Variants in ZNF148 observed in about 807,000 individuals in gnomAD.
ZNF148 encodes zinc finger protein 148.
Under a neutral mutation model 67.7 loss-of-function variants are expected in ZNF148, and 7 were observed. The observed-to-expected ratio is 0.10, with a 90% CI of 0.06 to 0.19. ZNF148 has a LOEUF of 0.19. Ranked by LOEUF, ZNF148 falls within the 10% of genes least tolerant of loss-of-function variation. ZNF148 has a pLI of 1.00. For synonymous variants in ZNF148, 333 were observed against 330.7 expected (o/e 1.01, Z -0.08); for missense variants, 583 against 947.1 (o/e 0.62, Z 5.05).
intron 4 of ZNF148, among the ~76,000 whole-genome samples, chr3:125,302,196 C>T (rs928941932): frequency 6.6e-6 from 1 of 151,886 alleles, no homozygotes; most frequent in African/African-American, 2.4e-5. Flanking sequence ...GGACAACATA[C>T]TGAGATCCCA....
At chr3:125,270,839 G>A (rs372814996) in intron 7 of ZNF148, among the ~76,000 whole-genome samples, 1 of 152,114 alleles carries the variant, frequency 6.6e-6, no homozygotes, top group Admixed American at 6.6e-5. Context: ...TCATGCCACT[G>A]CACTCCAGCC....
At chr3:125,250,127 T>A (rs1218213986) in intron 7 of ZNF148, among the ~76,000 whole-genome samples, 1 of 152,182 alleles carries the variant, frequency 6.6e-6, no homozygotes, top group Non-Finnish European at 1.5e-5. Context: ...TTTGTAAACA[T>A]GGAATTGTTG....
chr3:125,244,607 CCTGCCT>C, intron 7 of ZNF148, among the ~76,000 whole-genome samples: 1 of 152,156 alleles, frequency 6.6e-6, no homozygotes, highest in South Asian at 2.1e-4. Context: ...AAGTGATTCT[CCTGCCT>C]CAGCCTCCTG....
intron 7 of ZNF148, among the ~76,000 whole-genome samples, chr3:125,255,606 T>C (rs1443457635): frequency 6.6e-6 from 1 of 152,046 alleles, no homozygotes; most frequent in Non-Finnish European, 1.5e-5. Context: ...CCTAAGGAAC[T>C]ATGGTTTCTT....
chr3:125,299,675 G>C (rs1939485127), intron 4 of ZNF148, among the ~76,000 whole-genome samples: 1 of 152,026 alleles, frequency 6.6e-6, no homozygotes. Context: ...CAATCTACTG[G>C]AAGAGATAAT....
chr3:125,286,689 G>A (rs1379663616), intron 5 of ZNF148, among the ~76,000 whole-genome samples: 3 of 151,906 alleles, frequency 2.0e-5, no homozygotes, highest in African/African-American at 7.3e-5. Flanking sequence ...GCTAATAAAT[G>A]ATTACAAAAA....
chr3:125,319,295 G>A (rs990625048), intron 3 of ZNF148, among the ~76,000 whole-genome samples: 8 of 152,054 alleles, frequency 5.3e-5, no homozygotes, highest in Non-Finnish European at 7.4e-5. Flanking sequence ...AACAGTTTTC[G>A]GTCGGGGCTT....
chr3:125,319,647 A>G (rs759580732), intron 3 of ZNF148, among the ~76,000 whole-genome samples: 1 of 152,230 alleles, frequency 6.6e-6, no homozygotes, highest in Non-Finnish European at 1.5e-5. Context: ...AAGACAACTA[A>G]TGTGTGCTGA....
intron 7 of ZNF148, among the ~76,000 whole-genome samples, chr3:125,260,181 GA>G (rs1937273007): frequency 6.6e-6 from 1 of 152,218 alleles, no homozygotes; most frequent in African/African-American, 2.4e-5. Context: ...AGGTAATACT[GA>G]AAAGGTCTGA....
chr3:125,253,042 C>T (rs1683430586), intron 7 of ZNF148, among the ~76,000 whole-genome samples: 1 of 152,190 alleles, frequency 6.6e-6, no homozygotes, highest in African/African-American at 2.4e-5. Flanking sequence ...CTCTCTCTGA[C>T]ACATACGCAT....
At position 125,340,758 on chromosome 3, in the gene ZNF148, G is replaced by A. The variant is rs192759867; in HGVS notation, c.-233-9520C>T. ...TCCCAGCACTTTGGGAGGCCGAGGCGGGCGGATCACGAGGTCAGGAGATCG... is the reference window on the plus strand; with the variant it reads ...TCCCAGCACTTTGGGAGGCCGAGGCAGGCGGATCACGAGGTCAGGAGATCG... On this transcript the variant is annotated intron_variant, in intron 1 of 8. Coordinates refer to ENST00000360647, the MANE Select transcript of ZNF148 (RefSeq NM_021964.3). Among the ~76,000 whole-genome samples, 985 of 151,940 alleles carry A rather than the reference G, an allele frequency of 6.5e-3. 9 individuals are homozygous for A. The highest frequency in any genetic ancestry group is 0.022 in the African/African-American group (910 of 41,434).
At position 125,276,582 on chromosome 3, in the gene ZNF148, T is replaced by C. The variant is rs908114306; in HGVS notation, c.667+1144A>G. Reference sequence around the variant, plus strand: ...CCGAGTAGCTGGGATTACAGGCATGTGCTACCATGCCCGGCTAATTTTGTA... The same window carrying C: ...CCGAGTAGCTGGGATTACAGGCATGCGCTACCATGCCCGGCTAATTTTGTA... On this transcript the variant is annotated intron_variant, in intron 7 of 8. Coordinates refer to ENST00000360647, the MANE Select transcript of ZNF148 (RefSeq NM_021964.3). Among the ~76,000 whole-genome samples the C allele has an allele frequency of 2.0e-5, 3 of 152,014 alleles. 1 individual carries two copies. The highest frequency in any genetic ancestry group is 2.0e-4 in the Admixed American group (3 of 15,250).
intron 4 of ZNF148, among the ~76,000 whole-genome samples, chr3:125,306,608 A>G (rs1939892280): frequency 6.6e-6 from 1 of 152,166 alleles, no homozygotes; most frequent in South Asian, 2.1e-4. Flanking sequence ...GTAATTTAAA[A>G]CCTTCCCACA....
intron 6 of ZNF148, among the ~76,000 whole-genome samples, chr3:125,278,822 A>C (rs1938213494): frequency 6.6e-6 from 1 of 152,230 alleles, no homozygotes; most frequent in Non-Finnish European, 1.5e-5. Context: ...CACACAAAAA[A>C]TGAACACTGA....
chr3:125,320,153 A>G (rs963732073), intron 3 of ZNF148, among the ~76,000 whole-genome samples: 3 of 152,190 alleles, frequency 2.0e-5, no homozygotes, highest in Non-Finnish European at 2.9e-5. Context: ...GTTTAAATGT[A>G]TCTTCTTAAG....
At chr3:125,293,086 A>C (rs374712763) in intron 4 of ZNF148, among the ~76,000 whole-genome samples, 25 of 152,344 alleles carry the variant, frequency 1.6e-4, no homozygotes, top group South Asian at 4.1e-4. Context: ...GTGACAAATT[A>C]ATACATAAAA....
chr3:125,367,037 T>C (rs1027308668), intron 1 of ZNF148, among the ~76,000 whole-genome samples: 3 of 152,234 alleles, frequency 2.0e-5, no homozygotes, highest in African/African-American at 7.2e-5. Context: ...CCAGCTGCCC[T>C]ACCACAATAT....
chr3:125,241,294 GTTTCTTTCTTT>G (rs1374577053), intron 7 of ZNF148, among the ~76,000 whole-genome samples: 3 of 150,612 alleles, frequency 2.0e-5, no homozygotes, highest in Non-Finnish European at 3.0e-5. Context: ...TCTTTACAGA[GTTTCTTTCTTT>G]TTTCTTTCTT....
chr3:125,362,422 C>A (rs575060358), intron 1 of ZNF148, among the ~76,000 whole-genome samples: 1 of 152,160 alleles, frequency 6.6e-6, no homozygotes, highest in East Asian at 1.9e-4. Flanking sequence ...TTCTTCCAAC[C>A]CACTCAGTAA....
Sources: allele counts gnomAD v4.1 joint callset (sites outside exome capture counted in the v4.1 genomes callset), GRCh38; gene constraint gnomAD v4.1.1; transcripts MANE v1.5; gene names NCBI Gene and HGNC (gene_info 2026-07-23, HGNC 2026-07-21).